The following TNFSF4 variants were observed in gnomAD, a reference collection of about 807,000 sequenced individuals.
TNFSF4 encodes TNF superfamily member 4, also known as tumor necrosis factor ligand superfamily member 4.
Under a neutral mutation model 7.3 loss-of-function variants are expected in TNFSF4, and 4 were observed. The ratio of observed to expected loss-of-function variants is 0.55; its 90% CI spans 0.27 to 1.25. TNFSF4 has a LOEUF of 1.25. TNFSF4 is among the 50% of genes most tolerant of loss of function. The probability of loss-of-function intolerance (pLI) is 0.12; values close to 1 mark genes in which losing one functional copy is unlikely to be tolerated. For missense variants in TNFSF4, 181 were observed against 208.8 expected (o/e 0.87, Z 0.82); for synonymous variants, 76 against 83.7 (o/e 0.91, Z 0.50).
At chr1:173,228,529 C>G in the TNFSF4 span, among the ~76,000 whole-genome samples, 7 of 152,140 alleles carry the variant, frequency 4.6e-5, no homozygotes, top group South Asian at 4.2e-4. Context: ...GCCTCTCCCC[C>G]CTCCAAAGGA....
chr1:173,284,555 G>A, the TNFSF4 span, among the ~76,000 whole-genome samples: 1 of 152,192 alleles, frequency 6.6e-6, no homozygotes, highest in Non-Finnish European at 1.5e-5. Flanking sequence ...TAGCCAGAGA[G>A]GAGAAGTCAG....
the TNFSF4 span, among the ~76,000 whole-genome samples, chr1:173,280,310 T>C: frequency 6.6e-6 from 1 of 152,170 alleles, no homozygotes. Context: ...TCGTGGTTGA[T>C]CTGTCTTTCT....
the TNFSF4 span, among the ~76,000 whole-genome samples, chr1:173,275,340 T>A: frequency 6.6e-6 from 1 of 152,080 alleles, no homozygotes; most frequent in Admixed American, 6.6e-5. Context: ...AGAGAGAAAC[T>A]ATATTATCTT....
chr1:173,327,646 C>T, the TNFSF4 span, among the ~76,000 whole-genome samples: 1 of 151,452 alleles, frequency 6.6e-6, no homozygotes, highest in African/African-American at 2.4e-5. Flanking sequence ...TGAACTCAAA[C>T]AAATTTACAA....
chr1:173,405,523 T>G, the TNFSF4 span, among the ~76,000 whole-genome samples: 1 of 152,138 alleles, frequency 6.6e-6, no homozygotes, highest in African/African-American at 2.4e-5. Flanking sequence ...GCCAAGATAT[T>G]TGAGGGCACT....
the TNFSF4 span, among the ~76,000 whole-genome samples, chr1:173,284,423 C>CA: frequency 6.6e-6 from 1 of 152,180 alleles, no homozygotes; most frequent in Non-Finnish European, 1.5e-5. Context: ...GTAGAAGCTG[C>CA]AGCAAGTTAT....
the TNFSF4 span, among the ~76,000 whole-genome samples, chr1:173,384,741 A>G: frequency 6.9e-4 from 105 of 152,348 alleles, 1 homozygote; most frequent in African/African-American, 2.5e-3. Flanking sequence ...AAATGTTCCA[A>G]TAAGGTGCAT....
the TNFSF4 span, among the ~76,000 whole-genome samples, chr1:173,172,958 A>C: frequency 6.6e-6 from 1 of 152,284 alleles, no homozygotes; most frequent in African/African-American, 2.4e-5. Context: ...CGGCAGGGGA[A>C]GCAAACATGT....
intron 1 of TNFSF4, among the ~76,000 whole-genome samples, chr1:173,194,132 C>T (rs1364940899): frequency 3.3e-5 from 5 of 152,176 alleles, no homozygotes; most frequent in Admixed American, 3.3e-4. Context: ...TCAACCACAC[C>T]CTGTGCAAAA....
At chr1:173,280,768 A>T in the TNFSF4 span, among the ~76,000 whole-genome samples, 1 of 152,148 alleles carries the variant, frequency 6.6e-6, no homozygotes, top group African/African-American at 2.4e-5. Context: ...CACTGAGATT[A>T]TGCCCAGATC....
the TNFSF4 span, among the ~76,000 whole-genome samples, chr1:173,449,564 G>A: frequency 6.6e-6 from 1 of 151,886 alleles, no homozygotes; most frequent in African/African-American, 2.4e-5. Flanking sequence ...ATGTTGCTGA[G>A]GCTAGTCTCA....
chr1:173,362,355 A>C, the TNFSF4 span: 1 of 340,740 alleles, frequency 2.9e-6, no homozygotes, highest in Non-Finnish European at 5.7e-6. Context: ...TATACAGTTC[A>C]TGTTGCACTC....
Position 173,186,295 on chromosome 1 carries a change from GC to G in TNFSF4, c.*220del. The G allele has an allele frequency of 2.2e-6, 1 of 459,766 alleles. No individual in the cohort carries two copies. The highest frequency in any genetic ancestry group is 3.8e-6 in the Non-Finnish European group (1 of 264,924). 28.5% of individuals were successfully genotyped at this position (459,766 alleles called of 1,614,324 possible). ...GGCAATCTTGGGGTGTGACGGCTAGGCAATTTAGAAAATATAAGGATAAATA... is the reference window on the plus strand; with the variant it reads ...GGCAATCTTGGGGTGTGACGGCTAGGAATTTAGAAAATATAAGGATAAATA... On this transcript the variant is annotated 3_prime_UTR_variant, in exon 3 of 3. Coordinates refer to ENST00000281834, the MANE Select transcript of TNFSF4 (RefSeq NM_003326.5).
chr1:173,345,511 T>C, the TNFSF4 span, among the ~76,000 whole-genome samples: 1 of 152,196 alleles, frequency 6.6e-6, no homozygotes, highest in Non-Finnish European at 1.5e-5. Flanking sequence ...TAGAAAATTA[T>C]TAACAGAAAA....
chr1:173,367,260 C>T, the TNFSF4 span, among the ~76,000 whole-genome samples: 2 of 152,328 alleles, frequency 1.3e-5, no homozygotes, highest in South Asian at 4.1e-4. Flanking sequence ...TCTTGTCTCC[C>T]ATCCATGGAT....
At chr1:173,278,156 C>A in the TNFSF4 span, among the ~76,000 whole-genome samples, 1 of 152,054 alleles carries the variant, frequency 6.6e-6, no homozygotes, top group Admixed American at 6.6e-5. Context: ...TAATTCAATA[C>A]AATTTCAAGT....
the TNFSF4 span, among the ~76,000 whole-genome samples, chr1:173,292,977 G>A: frequency 6.6e-6 from 1 of 152,012 alleles, no homozygotes; most frequent in Admixed American, 6.6e-5. Context: ...AAATACTGCT[G>A]AAAGAAATCT....
the TNFSF4 span, among the ~76,000 whole-genome samples, chr1:173,311,268 G>C: frequency 2.0e-5 from 3 of 152,006 alleles, no homozygotes; most frequent in East Asian, 5.8e-4. Context: ...TCAGGAAACA[G>C]AAATCATACA....
chr1:173,380,716 C>T, the TNFSF4 span, among the ~76,000 whole-genome samples: 5 of 152,120 alleles, frequency 3.3e-5, no homozygotes, highest in Non-Finnish European at 5.9e-5. Flanking sequence ...TTTTCTCCAA[C>T]GGGAAAACAG....
Sources: gnomAD v4.1 joint callset for allele counts (sites outside exome capture counted in the v4.1 genomes callset) on GRCh38, gnomAD v4.1.1 for gene constraint, MANE v1.5 for transcripts, NCBI Gene and HGNC (gene_info 2026-07-23, HGNC 2026-07-21) for gene names.